Variants in CSMD2 observed in about 807,000 individuals in gnomAD.
CSMD2 encodes the protein CUB and sushi domain-containing protein 2.
CSMD2 carries 130 observed loss-of-function variants against 398.5 expected under a neutral mutation model. That is an observed-to-expected ratio of 0.33 (90% confidence interval 0.28 to 0.38). The LOEUF (loss-of-function observed/expected upper bound fraction) is 0.38, where lower values mean the gene tolerates loss of function less well. CSMD2 is among the 10% of genes least tolerant of loss of function. CSMD2 has a pLI of 1.00. For synonymous variants in CSMD2, 1,828 were observed against 1,908.5 expected, an observed-to-expected ratio of 0.96 and a Z score of 1.10; for missense variants, 3,829 against 4,764.9, an observed-to-expected ratio of 0.80 and a Z score of 5.78.
At chr1:34,046,902 T>C (rs1652585503) in intron 2 of CSMD2, among the ~76,000 whole-genome samples, 1 of 152,088 alleles carries the variant, frequency 6.6e-6, no homozygotes, top group Admixed American at 6.5e-5. Flanking sequence ...TCACCTTCAT[T>C]ACTACCATCC....
At chr1:33,541,607 C>T (rs961870954) in intron 58 of CSMD2, among the ~76,000 whole-genome samples, 1 of 152,244 alleles carries the variant, frequency 6.6e-6, no homozygotes, top group Non-Finnish European at 1.5e-5. Context: ...GCTGGGACTA[C>T]AGGCATGAGC....
rs1334873765 is a variant in CSMD2, at chr1:33,837,761, C to A, written c.1033+9123G>T. On this transcript the variant is annotated intron_variant, in intron 6 of 70. Transcript: ENST00000373381. ...TGTATGTGAACAAAGTCAGGACTCC[C>A]AAGGGAAAAGTGCTGGCTGTAACTG... Among the ~76,000 whole-genome samples the A allele has an allele frequency of 4.6e-5, 7 of 152,290 alleles. No homozygotes were observed. In the South Asian group the frequency reaches 1.2e-3, roughly 27 times the overall value.
chr1:33,711,415 G>C (rs1421958635), intron 21 of CSMD2, among the ~76,000 whole-genome samples: 1 of 152,130 alleles, frequency 6.6e-6, no homozygotes, highest in Admixed American at 6.5e-5. Context: ...CCTTCATCTG[G>C]ACAATAATAG....
intron 5 of CSMD2, among the ~76,000 whole-genome samples, chr1:33,902,788 C>A (rs572481349): frequency 6.6e-6 from 1 of 152,120 alleles, no homozygotes; most frequent in Non-Finnish European, 1.5e-5. Flanking sequence ...GGGTCCCTGG[C>A]GGTCCCCAAG....
chr1:33,654,334 T>C (rs1264868783), intron 27 of CSMD2, among the ~76,000 whole-genome samples: 2 of 152,202 alleles, frequency 1.3e-5, no homozygotes, highest in Non-Finnish European at 2.9e-5. Context: ...CCTAAGTAAC[T>C]TGCCCAGAGT....
In CSMD2 at chr1:33,572,609, G is replaced by A. The variant is rs957389992; in HGVS notation, c.7659C>T (p.Tyr2553=). Reference sequence around the variant, plus strand: ...GGAGGTGGTAGCCTTCACTGCAGCTGTACATGGCCTTGGTTCCCACTGTGT... The same window carrying A: ...GGAGGTGGTAGCCTTCACTGCAGCTATACATGGCCTTGGTTCCCACTGTGT... The part of the protein sequence containing the change: ...KEYTVGTKAM[Y]SCSEGYHLQA... The change falls in exon 50 of 71, where the codon TAC becomes TAT. Residue 2553 remains tyrosine, a synonymous_variant. Coordinates refer to ENST00000373381, the MANE Select transcript of CSMD2 (RefSeq NM_001281956.2). The A allele has an allele frequency of 8.1e-6, 13 of 1,613,944 alleles. No homozygotes were observed. Among genetic ancestry groups the A allele is most frequent in the East Asian group, 4.5e-5 (2 of 44,886 alleles).
At chr1:33,637,619 G>T (rs927043839) in intron 29 of CSMD2, among the ~76,000 whole-genome samples, 4 of 152,198 alleles carry the variant, frequency 2.6e-5, no homozygotes, top group Non-Finnish European at 5.9e-5. Flanking sequence ...TGATGGTCAA[G>T]AGGGTTGTCA....
intron 3 of CSMD2, among the ~76,000 whole-genome samples, chr1:34,016,316 C>A (rs918216035): frequency 2.0e-5 from 3 of 151,936 alleles, no homozygotes; most frequent in Non-Finnish European, 2.9e-5. Context: ...TCCCCCCACC[C>A]CCAATAGGCC....
At chr1:33,790,661 G>GTCTATCTA (rs72105736) in intron 11 of CSMD2, among the ~76,000 whole-genome samples, 11,159 of 149,726 alleles carry the variant, frequency 0.075, 459 homozygotes, top group Non-Finnish European at 0.084. Context: ...CTGTTTGTCT[G>GTCTATCTA]TCTATCTATC....
chr1:33,581,779 A>G (rs527799075), intron 47 of CSMD2, among the ~76,000 whole-genome samples: 15 of 152,272 alleles, frequency 9.9e-5, no homozygotes, highest in African/African-American at 3.4e-4. Context: ...CGCAGAATAT[A>G]AAGCTGGATA....
Position 33,533,061 on chromosome 1 carries a change from G to C in CSMD2, c.10160C>G (p.Pro3387Arg). The change falls in exon 64 of 71, where the codon CCC (proline) becomes CGC (arginine). Residue 3387 changes from proline to arginine, a missense_variant. Around this residue, in one of 5 missense-constraint regions of CSMD2, gnomAD observed 917 missense variants for 1,199.5 expected, o/e 0.76. Coordinates refer to ENST00000373381, the MANE Select transcript of CSMD2 (RefSeq NM_001281956.2). This position sits in a 1 kb window ranked among gnomAD's most constrained non-coding sequence, Gnocchi z 4.2. ...GCAGGCACACTCACCCAGGCAGATG[G>C]GCGGCTTGCCTGTCCAGCTGCCATC... Reference protein sequence around the residue: ...KADGSWTGKPPICLEVRPSGR... With the variant: ...KADGSWTGKPRICLEVRPSGR... The C allele has an allele frequency of 6.2e-7, 1 of 1,611,102 alleles. No homozygotes were observed. The highest frequency in any genetic ancestry group is 8.5e-7 in the Non-Finnish European group (1 of 1,178,830).
In CSMD2 at chr1:33,635,307, C is replaced by G. The variant is rs1438483203; in HGVS notation, c.4993G>C (p.Gly1665Arg). The part of the protein sequence containing the change: ...CTAPCGGQYV[G>R]SDGVVLSPNY... ...GGGGACAAGACCACTCCGTCCGAAC[C>G]CACATACTGTCCCCCACAGGGGGCT... Residue 1665 changes from glycine (G) to arginine (R), a missense_variant, in exon 31 of 71, where the codon GGT (glycine) becomes CGT (arginine). Physicochemically the swap from Gly to Arg is moderately radical, Grantham distance 125 (BLOSUM62 -2). Coordinates refer to ENST00000373381, the MANE Select transcript of CSMD2 (RefSeq NM_001281956.2). This position sits in a 1 kb window ranked among gnomAD's most constrained non-coding sequence, Gnocchi z 5.0. 6.8e-6 allele frequency: 11 copies of G among 1,612,336 alleles called. No individual in the cohort carries two copies. The highest frequency in any genetic ancestry group is 9.3e-6 in the Non-Finnish European group (11 of 1,178,530).
intron 2 of CSMD2, among the ~76,000 whole-genome samples, chr1:34,087,899 G>A (rs1658090819): frequency 6.6e-6 from 1 of 152,170 alleles, no homozygotes; most frequent in Non-Finnish European, 1.5e-5. Context: ...ATGTTTCACA[G>A]AACCCTGCTG....
chr1:34,095,410 A>G (rs1187121471), intron 1 of CSMD2, among the ~76,000 whole-genome samples: 2 of 151,278 alleles, frequency 1.3e-5, no homozygotes, highest in African/African-American at 2.4e-5. Context: ...AACTGAAATC[A>G]GAGCAGAACT....
At position 33,578,455 on chromosome 1, in the gene CSMD2, G is replaced by A. The variant is rs186112689; in HGVS notation, c.7388-971C>T. Reference sequence around the variant, plus strand: ...TGGCCAGGCGTGGTGGTGCGTGCCCGTAGTCCCAGCTACTCGGGAGGCTAA... The same window carrying A: ...TGGCCAGGCGTGGTGGTGCGTGCCCATAGTCCCAGCTACTCGGGAGGCTAA... On this transcript the variant is annotated intron_variant, in intron 48 of 70. Transcript: ENST00000373381. Among the ~76,000 whole-genome samples the A allele has an allele frequency of 1.6e-3, 248 of 152,210 alleles. 2 individuals are homozygous for A. The highest frequency in any genetic ancestry group is 1.0e-3 in the South Asian group (5 of 4,816).
At chr1:34,042,427 C>G (rs1203956915) in intron 2 of CSMD2, among the ~76,000 whole-genome samples, 2 of 152,176 alleles carry the variant, frequency 1.3e-5, no homozygotes, top group Non-Finnish European at 2.9e-5. Context: ...AATAAAAGCC[C>G]AATTTGCTAT....
At chr1:34,093,909 G>A (rs10436872) in intron 1 of CSMD2, among the ~76,000 whole-genome samples, 2,493 of 150,960 alleles carry the variant, frequency 0.017, 38 homozygotes, top group East Asian at 0.05. Context: ...TACAGAGAAC[G>A]CCACAAAGAT....
rs563402888 is a variant in CSMD2 at position 33,673,932 on chromosome 1, G to T, written c.4053-10840C>A. Among the ~76,000 whole-genome samples, 3 of 152,298 alleles carry T rather than the reference G, an allele frequency of 2.0e-5. No homozygotes were observed. The East Asian group carries it at 5.8e-4, about 29-fold the overall frequency. Reference sequence around the variant, plus strand: ...TGCTGAGAGATTTTGTCACCACCAGGCCTGCCCTAAAAGAGCTCCTGAAGG... The same window carrying T: ...TGCTGAGAGATTTTGTCACCACCAGTCCTGCCCTAAAAGAGCTCCTGAAGG... On this transcript the variant is annotated intron_variant, in intron 25 of 70. Transcript: ENST00000373381.
intron 56 of CSMD2, among the ~76,000 whole-genome samples, chr1:33,548,816 T>C (rs1212760086): frequency 2.1e-5 from 3 of 144,232 alleles, no homozygotes; most frequent in Admixed American, 6.9e-5. Flanking sequence ...GCAATGTACA[T>C]GACCCTTGTC....
Sources: allele counts gnomAD v4.1 joint callset (sites outside exome capture counted in the v4.1 genomes callset), GRCh38; gene constraint gnomAD v4.1.1; regional missense constraint gnomAD v4.1.1; non-coding constraint Gnocchi (gnomAD v3.1); transcripts MANE v1.5; gene names NCBI Gene and HGNC (gene_info 2026-07-23, HGNC 2026-07-21).